RPS6KA2: variants seen among roughly 807,000 people sequenced by gnomAD.
RPS6KA2 encodes the protein ribosomal protein S6 kinase alpha-2.
Under a neutral mutation model 91.8 loss-of-function variants are expected in RPS6KA2, and 42 were observed. The ratio of observed to expected loss-of-function variants is 0.46; its 90% CI spans 0.36 to 0.59. The LOEUF is 0.59. Among genes scored for constraint, RPS6KA2 ranks in the 20% least tolerant of loss-of-function variants. The pLI is 0.00. For synonymous variants in RPS6KA2, 414 were observed against 393.6 expected (o/e 1.05, Z -0.61); for missense variants, 798 against 978.5 (o/e 0.82, Z 2.46).
intron 2 of RPS6KA2, among the ~76,000 whole-genome samples, chr6:166,783,528 G>T (rs1778827772): frequency 6.6e-6 from 1 of 152,010 alleles, no homozygotes. Flanking sequence ...GACAGATATA[G>T]ATACAAATGA....
intron 1 of RPS6KA2, among the ~76,000 whole-genome samples, chr6:166,546,956 T>A (rs1435719830): frequency 2.6e-5 from 4 of 152,156 alleles, no homozygotes; most frequent in African/African-American, 9.7e-5. Context: ...TTTCTTTTCT[T>A]TTTTTTCTTT....
chr6:166,678,811 C>T (rs1788693757), intron 2 of RPS6KA2, among the ~76,000 whole-genome samples: 1 of 152,184 alleles, frequency 6.6e-6, no homozygotes, highest in African/African-American at 2.4e-5. Context: ...GCCTTGAGCC[C>T]CCTGTGCTTC....
chr6:166,696,197 T>C (rs2128573327), intron 2 of RPS6KA2, among the ~76,000 whole-genome samples: 1 of 152,220 alleles, frequency 6.6e-6, no homozygotes, highest in East Asian at 1.9e-4. Context: ...AACAGCAGGA[T>C]GTCTCCTGCA....
chr6:166,792,026 G>T (rs182517183), intron 2 of RPS6KA2, among the ~76,000 whole-genome samples: 1 of 152,082 alleles, frequency 6.6e-6, no homozygotes, highest in Admixed American at 6.5e-5. Context: ...GAACAGAACT[G>T]AAGGAGATCG....
chr6:166,548,579 A>T (rs1313524828), intron 1 of RPS6KA2, among the ~76,000 whole-genome samples: 1 of 152,240 alleles, frequency 6.6e-6, no homozygotes, highest in Non-Finnish European at 1.5e-5. Context: ...GCAATTCAAT[A>T]GAGGAAAGGC....
intron 9 of RPS6KA2, among the ~76,000 whole-genome samples, chr6:166,489,348 C>T (rs1288227016): frequency 6.6e-6 from 1 of 152,250 alleles, no homozygotes; most frequent in East Asian, 1.9e-4. Context: ...GGGTGCGTCT[C>T]TTCCTGGCTC....
chr6:166,668,713 A>C (rs941642948), intron 2 of RPS6KA2, among the ~76,000 whole-genome samples: 1 of 152,294 alleles, frequency 6.6e-6, no homozygotes, highest in East Asian at 1.9e-4. Flanking sequence ...GGAAGCAGGC[A>C]AAATAAATGG....
chr6:166,435,617 T>C lies in RPS6KA2; in HGVS notation c.1333-3127A>G, dbSNP rs1779268193. Among the ~76,000 whole-genome samples, 1 of 152,188 alleles carries C rather than the reference T, an allele frequency of 6.6e-6. No individual in the cohort carries two copies. The highest frequency in any genetic ancestry group is 2.1e-4 in the South Asian group (1 of 4,828). ...GAGGTCCTGTGGGGACAGGAGCTCA[T>C]CTGGAGGAGACTCCAAGGGGCCCAC... On this transcript the variant is annotated intron_variant, in intron 14 of 20. Transcript: ENST00000265678. The surrounding 1 kb of genome is among the most constrained non-coding windows in gnomAD (Gnocchi z 4.3).
chr6:166,599,124 G>A (rs1785642752), intron 1 of RPS6KA2, among the ~76,000 whole-genome samples: 1 of 152,226 alleles, frequency 6.6e-6, no homozygotes, highest in South Asian at 2.1e-4. Flanking sequence ...CCACTCTTGA[G>A]GATGTTTGAA....
chr6:166,452,441 C>T (rs1051388840), intron 12 of RPS6KA2, among the ~76,000 whole-genome samples: 9 of 152,056 alleles, frequency 5.9e-5, no homozygotes, highest in African/African-American at 9.7e-5. Flanking sequence ...AAAAAACCAA[C>T]GTCATTTTTC....
At chr6:166,486,308 C>A (rs1781408866) in intron 10 of RPS6KA2, among the ~76,000 whole-genome samples, 1 of 152,090 alleles carries the variant, frequency 6.6e-6, no homozygotes, top group Admixed American at 6.5e-5. Context: ...ACACAGTGCC[C>A]CTGTGTGTGC....
chr6:166,812,437 C>T lies in RPS6KA2; in HGVS notation c.123+45763G>A, dbSNP rs543233239. Among the ~76,000 whole-genome samples the T allele has an allele frequency of 3.1e-4, 47 of 152,300 alleles. 1 individual carries two copies. The South Asian group carries it at 9.7e-3, about 32-fold the overall frequency. On this transcript the variant is annotated intron_variant, in intron 2 of 21. Transcript: ENST00000503859. ...TGCCCTCCTCCCACAGCCCCCTTGC[C>T]TCTCTCTCAACTCTCAGCTTAAATG...
rs112100407 is a variant in RPS6KA2 at position 166,840,284 on chromosome 6, T to C, written c.123+17916A>G. ...TCCACTGGACCAGAACCTGAAGTTT[T>C]ATCAAAGTCTTGGTGGTTTCCATGC... On this transcript the variant is annotated intron_variant, in intron 2 of 21. Coordinates refer to the RPS6KA2 transcript ENST00000503859. 6.0e-3 allele frequency among the ~76,000 whole-genome samples: 921 copies of C among 152,244 alleles called. 12 individuals are homozygous for C. The highest frequency in any genetic ancestry group is 8.5e-3 in the Non-Finnish European group (581 of 68,006).
At chr6:166,524,866 G>C (rs1336484167) in intron 3 of RPS6KA2, among the ~76,000 whole-genome samples, 3 of 152,244 alleles carry the variant, frequency 2.0e-5, no homozygotes, top group East Asian at 1.9e-4. Context: ...CTCAGCTCCA[G>C]GGTCTGGACT....
At chr6:166,420,708 CAT>C (rs1366439753) in intron 17 of RPS6KA2, among the ~76,000 whole-genome samples, 1 of 152,174 alleles carries the variant, frequency 6.6e-6, no homozygotes, top group African/African-American at 2.4e-5. Context: ...TGGGTGGACA[CAT>C]GTCTCTTTGC....
intron 11 of RPS6KA2, among the ~76,000 whole-genome samples, chr6:166,465,704 T>C (rs1444379013): frequency 6.6e-6 from 1 of 152,202 alleles, no homozygotes; most frequent in African/African-American, 2.4e-5. Context: ...TCTCTCTCTT[T>C]CTGCTGGCCA....
At chr6:166,703,805 A>G (rs1465363301) in intron 2 of RPS6KA2, among the ~76,000 whole-genome samples, 1 of 152,214 alleles carries the variant, frequency 6.6e-6, no homozygotes, top group Admixed American at 6.5e-5. Flanking sequence ...GCAATTCATT[A>G]ACCTTATATG....
chr6:166,705,928 G>T (rs1308909119), intron 2 of RPS6KA2, among the ~76,000 whole-genome samples: 1 of 152,132 alleles, frequency 6.6e-6, no homozygotes, highest in East Asian at 1.9e-4. Flanking sequence ...AAGCCCTCAT[G>T]AATGGGATTA....
intron 2 of RPS6KA2, among the ~76,000 whole-genome samples, chr6:166,682,178 A>T (rs901672208): frequency 1.3e-5 from 2 of 152,214 alleles, no homozygotes; most frequent in Non-Finnish European, 2.9e-5. Context: ...ACAGGCAATA[A>T]AATGTACCAG....
Sources: gnomAD v4.1 joint callset for allele counts (sites outside exome capture counted in the v4.1 genomes callset) on GRCh38, gnomAD v4.1.1 for gene constraint, Gnocchi (gnomAD v3.1) non-coding constraint, MANE v1.5 for transcripts, NCBI Gene and HGNC (gene_info 2026-07-23, HGNC 2026-07-21) for gene names.